The following USP46 variants were observed in gnomAD, a reference collection of about 807,000 sequenced individuals.
USP46 encodes the protein ubiquitin specific peptidase 46, also known as ubiquitin carboxyl-terminal hydrolase 46.
USP46 carries 12 observed loss-of-function variants against 44.4 expected under a neutral mutation model. That is an observed-to-expected ratio of 0.27 (90% CI 0.17 to 0.44). The LOEUF (loss-of-function observed/expected upper bound fraction) is 0.44, where lower values mean the gene tolerates loss of function less well. Ranked by LOEUF, USP46 falls within the 20% of genes least tolerant of loss-of-function variation. USP46 has a pLI of 1.00. For synonymous variants in USP46, 155 were observed against 161.5 expected (o/e 0.96, Z 0.31); for missense variants, 248 against 444.8 (o/e 0.56, Z 3.98).
intron 1 of USP46, among the ~76,000 whole-genome samples, chr4:52,632,956 G>GAAAT (rs1285527030): frequency 2.8e-5 from 2 of 71,650 alleles, no homozygotes; most frequent in Non-Finnish European, 5.3e-5. Context: ...AAGAAAGAAA[G>GAAAT]AAAGAAAGAA....
intron 4 of USP46, among the ~76,000 whole-genome samples, chr4:52,618,148 C>T (rs1717237518): frequency 6.6e-6 from 1 of 152,004 alleles, no homozygotes; most frequent in African/African-American, 2.4e-5. Context: ...CTTTGGATGG[C>T]TAAGGTGGGA....
intron 5 of USP46, among the ~76,000 whole-genome samples, chr4:52,607,730 C>A (rs1158602290): frequency 1.3e-5 from 2 of 152,110 alleles, no homozygotes; most frequent in Non-Finnish European, 2.9e-5. Flanking sequence ...CTTGCAAGAT[C>A]TGGCCGTTTA....
intron 1 of USP46, among the ~76,000 whole-genome samples, chr4:52,645,539 T>C (rs1236364177): frequency 6.6e-6 from 1 of 152,194 alleles, no homozygotes; most frequent in Non-Finnish European, 1.5e-5. Flanking sequence ...TAGCCACTTA[T>C]GTCACTGAAC....
intron 1 of USP46, among the ~76,000 whole-genome samples, chr4:52,637,159 T>A (rs1434052600): frequency 1.3e-5 from 2 of 152,086 alleles, no homozygotes; most frequent in Non-Finnish European, 2.9e-5. Context: ...TCCAAATCAC[T>A]CCTCGAAAAG....
At chr4:52,639,665 G>C (rs1234532057) in intron 1 of USP46, among the ~76,000 whole-genome samples, 5 of 152,132 alleles carry the variant, frequency 3.3e-5, no homozygotes, top group Non-Finnish European at 7.4e-5. Flanking sequence ...TACCTGGGCA[G>C]CCACGACCAG....
At chr4:52,609,802 G>GTGCCTCTA (rs1716851998) in intron 5 of USP46, among the ~76,000 whole-genome samples, 1 of 142,212 alleles carries the variant, frequency 7.0e-6, no homozygotes, top group South Asian at 2.4e-4. Flanking sequence ...ACATTTCCAA[G>GTGCCTCTA]TGCCTCTAGC....
intron 3 of USP46, 100 bp from the exon 4 acceptor site, chr4:52,626,347 G>T (rs111247608): frequency 5.9e-6 from 6 of 1,014,452 alleles, no homozygotes; most frequent in Non-Finnish European, 8.5e-6. Context: ...TTTTTGAGAT[G>T]GAGTCTCGCT....
chr4:52,598,478 T>A, intron 8 of USP46, 150 bp downstream of exon 8: 1 of 725,236 alleles, frequency 1.4e-6, no homozygotes, highest in Non-Finnish European at 2.3e-6. Context: ...AGCATGGGGA[T>A]TAGCAGAATT....
intron 1 of USP46, among the ~76,000 whole-genome samples, chr4:52,652,757 G>A (rs535205363): frequency 1.3e-5 from 2 of 152,120 alleles, no homozygotes; most frequent in South Asian, 2.1e-4. Context: ...CAGAATAGTG[G>A]TCACTCTGTG....
At chr4:52,638,007 C>A (rs1367036104) in intron 1 of USP46, among the ~76,000 whole-genome samples, 1 of 152,238 alleles carries the variant, frequency 6.6e-6, no homozygotes, top group Non-Finnish European at 1.5e-5. Context: ...TAGGTTAAGT[C>A]AGCCTCTGTG....
intron 1 of USP46, among the ~76,000 whole-genome samples, chr4:52,650,218 G>A (rs1479656626): frequency 1.3e-5 from 2 of 152,194 alleles, no homozygotes; most frequent in African/African-American, 4.8e-5. Flanking sequence ...CTAAATAAGA[G>A]AATGAATAAG....
At chr4:52,641,101 A>G (rs1718326238) in intron 1 of USP46, among the ~76,000 whole-genome samples, 1 of 152,144 alleles carries the variant, frequency 6.6e-6, no homozygotes. Flanking sequence ...ATTGTAAAGT[A>G]TGTTACAAAC....
At position 52,595,404 on chromosome 4, in the gene USP46, G is replaced by C. The variant is rs946350236; in HGVS notation, c.*2236C>G. On this transcript the variant is annotated 3_prime_UTR_variant, in exon 9 of 9. Transcript: ENST00000441222. ...GCTGATGGAGTGTTGCTGGAGAAGT[G>C]TGTTTTGGTCTTTTTCCAATCTTCT... 1.3e-5 allele frequency: 2 copies of C among 152,628 alleles called. No homozygotes were observed. The highest frequency in any genetic ancestry group is 2.9e-5 in the Non-Finnish European group (2 of 68,042). The allele number at this position is 152,628 out of a possible 1,614,324, so 9.5% of individuals were successfully genotyped here.
chr4:52,612,164 A>C (rs771666037), intron 4 of USP46, among the ~76,000 whole-genome samples: 4 of 152,218 alleles, frequency 2.6e-5, no homozygotes, highest in Non-Finnish European at 4.4e-5. Context: ...AAATGGTCAA[A>C]AAGTTGGGAA....
At chr4:52,631,227 G>A (rs1717814629) in intron 1 of USP46, 83 bp from the exon 2 acceptor site, 1 of 1,038,292 alleles carries the variant, frequency 9.6e-7, no homozygotes, top group Non-Finnish European at 1.4e-6. Flanking sequence ...CTACTATTGA[G>A]ACAAGCATCT....
At chr4:52,599,010 T>C (rs1368319902) in intron 7 of USP46, among the ~76,000 whole-genome samples, 1 of 152,200 alleles carries the variant, frequency 6.6e-6, no homozygotes, top group Admixed American at 6.5e-5. Context: ...ATTCTAGCTG[T>C]CAGGGGAAGA....
intron 1 of USP46, among the ~76,000 whole-genome samples, chr4:52,656,853 A>T (rs1718970009): frequency 6.6e-6 from 1 of 151,836 alleles, no homozygotes; most frequent in Non-Finnish European, 1.5e-5. Context: ...CAGCCTGGGC[A>T]ACATAGGGAG....
At chr4:52,601,771 C>A (rs1716482796) in intron 7 of USP46, 86 bp downstream of exon 7, 1 of 1,413,278 alleles carries the variant, frequency 7.1e-7, no homozygotes, top group Non-Finnish European at 9.4e-7. Flanking sequence ...AGTGCCACGG[C>A]CCAGGAAAGG....
intron 1 of USP46, among the ~76,000 whole-genome samples, chr4:52,646,240 G>C (rs1718546231): frequency 6.6e-6 from 1 of 152,150 alleles, no homozygotes; most frequent in Non-Finnish European, 1.5e-5. Flanking sequence ...GAGCACTGCA[G>C]GAGTCAACAT....
Sources: allele counts gnomAD v4.1 joint callset (sites outside exome capture counted in the v4.1 genomes callset), GRCh38; gene constraint gnomAD v4.1.1; transcripts MANE v1.5; gene names NCBI Gene and HGNC (gene_info 2026-07-23, HGNC 2026-07-21).